The following AKIRIN2 variants were observed in gnomAD, a reference collection of about 807,000 sequenced individuals.
AKIRIN2 encodes akirin 2, also known as akirin-2.
Under a neutral mutation model 29.3 loss-of-function variants are expected in AKIRIN2, and 6 were observed. The observed-to-expected ratio is 0.20, with a 90% CI of 0.11 to 0.40. The LOEUF is 0.40. Among genes scored for constraint, AKIRIN2 ranks in the 10% least tolerant of loss-of-function variants. The probability of loss-of-function intolerance (pLI) is 1.00; values close to 1 mark genes in which losing one functional copy is unlikely to be tolerated. For synonymous variants in AKIRIN2, 128 were observed against 117.5 expected (o/e 1.09, Z -0.58); for missense variants, 210 against 276.1 (o/e 0.76, Z 1.70).
intron 1 of AKIRIN2, 26 bp downstream of exon 1, chr6:87,701,424 C>G: frequency 6.5e-7 from 1 of 1,531,114 alleles, no homozygotes; most frequent in Non-Finnish European, 8.8e-7. Flanking sequence ...CTCCACTACC[C>G]CGGCGGCCGC....
intron 1 of AKIRIN2, among the ~76,000 whole-genome samples, chr6:87,698,373 TAA>T (rs1318677681): frequency 7.3e-5 from 10 of 136,204 alleles, no homozygotes; most frequent in Non-Finnish European, 9.6e-5. Flanking sequence ...GAACAATACT[TAA>T]AAAAAAAAAA....
chr6:87,678,784 G>T (rs1403392327), intron 2 of AKIRIN2, among the ~76,000 whole-genome samples: 1 of 152,080 alleles, frequency 6.6e-6, no homozygotes, highest in Non-Finnish European at 1.5e-5. Context: ...TACACACAAT[G>T]AACTGGTAAT....
chr6:87,700,560 A>C (rs1347416505), intron 1 of AKIRIN2: 1 of 152,228 alleles, frequency 6.6e-6, no homozygotes, highest in Non-Finnish European at 1.5e-5. Context: ...CAAAGCAGCC[A>C]AAAGACATTC....
chr6:87,680,488 T>G (rs183600914), intron 2 of AKIRIN2, among the ~76,000 whole-genome samples: 3 of 148,618 alleles, frequency 2.0e-5, no homozygotes. Context: ...AGCCAGGATG[T>G]TCTCGATATC....
Position 87,696,823 on chromosome 6 carries a change from T to C in AKIRIN2, c.235+4627A>G, listed in dbSNP as rs1369079797. On this transcript the variant is annotated intron_variant, in intron 1 of 4. Coordinates refer to ENST00000257787, the MANE Select transcript of AKIRIN2 (RefSeq NM_018064.4). ...GAGTTCAAGACCAACCTGACCAACA[T>C]GGTGAAACCCCATCTCTTCTAAAAA... is the stretch of plus-strand genomic sequence containing the variant. 4.0e-5 allele frequency among the ~76,000 whole-genome samples: 6 copies of C among 150,352 alleles called. No homozygotes were observed. In the South Asian group the frequency reaches 1.0e-3, roughly 26 times the overall value.
intron 1 of AKIRIN2, among the ~76,000 whole-genome samples, chr6:87,688,591 C>CA (rs111954397): frequency 0.013 from 1,991 of 151,034 alleles, 41 homozygotes; most frequent in African/African-American, 0.042. Flanking sequence ...ACTAAAAATA[C>CA]AAAAAAAAAT....
Position 87,702,194 on chromosome 6 carries a change from G to C in AKIRIN2, c.-510C>G. 2.5e-6 allele frequency: 1 copy of C among 398,142 alleles called. No homozygotes were observed. The highest frequency in any genetic ancestry group is 4.4e-6 in the Non-Finnish European group (1 of 225,870). 24.7% of individuals were successfully genotyped at this position (398,142 alleles called of 1,614,324 possible). A position where few individuals can be genotyped will look rare whatever the true frequency, so the allele number is the denominator to read the frequency against. Reference sequence around the variant, plus strand: ...GGTAGCTGCCGCAGCAGGAACCCAAGCGAACACGTCCAACCGCTTCCCCTC... The same window carrying C: ...GGTAGCTGCCGCAGCAGGAACCCAACCGAACACGTCCAACCGCTTCCCCTC... On this transcript the variant is annotated 5_prime_UTR_variant, in exon 1 of 5. Coordinates refer to ENST00000257787, the MANE Select transcript of AKIRIN2 (RefSeq NM_018064.4).
intron 1 of AKIRIN2, among the ~76,000 whole-genome samples, chr6:87,690,329 G>A (rs1474674770): frequency 2.0e-5 from 3 of 152,130 alleles, no homozygotes; most frequent in Non-Finnish European, 4.4e-5. Flanking sequence ...TAGCAGCAAG[G>A]TTATTACAAG....
intron 2 of AKIRIN2, 71 bp from the exon 3 acceptor site, chr6:87,678,038 G>T (rs944561256): frequency 1.5e-6 from 2 of 1,367,630 alleles, no homozygotes; most frequent in South Asian, 1.5e-5. Flanking sequence ...TAAATGAAGA[G>T]GTTTTATTTG....
chr6:87,675,903 C>A lies in AKIRIN2; in HGVS notation c.558G>T (p.Thr186=), dbSNP rs369857489. 1 of 1,613,542 alleles carries A rather than the reference C, an allele frequency of 6.2e-7. No individual in the cohort carries two copies. The highest frequency in any genetic ancestry group is 8.5e-7 in the Non-Finnish European group (1 of 1,179,862). Residue 186 remains threonine (T), a synonymous_variant, in exon 4 of 5, where the codon ACG becomes ACT. Coordinates refer to ENST00000257787, the MANE Select transcript of AKIRIN2 (RefSeq NM_018064.4). ...CATATCGTCGCATTATTTGATCATG[C>A]GTAAACTTCACAAACGCATCATATT... is the stretch of plus-strand genomic sequence containing the variant. ...AEQYDAFVKF[T]HDQIMRRYGE...
rs1056150297 is a variant in AKIRIN2, at chr6:87,701,513, G to A, written c.172C>T (p.Pro58Ser). The A allele has an allele frequency of 2.1e-6, 3 of 1,455,236 alleles. No homozygotes were observed. The highest frequency in any genetic ancestry group is 1.5e-5 in the African/African-American group (1 of 66,352). The allele number at this position is 1,455,236 out of a possible 1,614,324, so 90.1% of individuals were successfully genotyped here. Residue 58 changes from proline to serine, a missense_variant, in exon 1 of 5, where the codon CCG becomes TCG. Pro to Ser is a moderately conservative substitution (Grantham distance 74, BLOSUM62 -1). Around this residue, in one of 2 missense-constraint regions of AKIRIN2, gnomAD observed 199 missense variants for 236.5 expected, o/e 0.84. Coordinates refer to ENST00000257787, the MANE Select transcript of AKIRIN2 (RefSeq NM_018064.4). ...GGCTCCATTCGGAGATACTTCTGCG[G>A]CGAGGCGGCCGCAGCGGAGAAGGAG... The part of the protein sequence containing the change: ...AASFSAAAAS[P>S]QKYLRMEPSP...
In AKIRIN2 at chr6:87,701,561, A is replaced by C. The variant is rs1224900834; in HGVS notation, c.124T>G (p.Ser42Ala). ...GAGGCGGCGGTGGCCGCGGCCGCCG[A>C]CAACGGGGAGGCAGCGGCCGAGGTG... is the stretch of plus-strand genomic sequence containing the variant. ...APTSAAASPL[S>A]AAAATAASFS... The change falls in exon 1 of 5, where the codon TCG becomes GCG. Residue 42 changes from serine to alanine, a missense_variant. By Grantham distance (99) the Ser-to-Ala change is moderately conservative. Around this residue, in one of 2 missense-constraint regions of AKIRIN2, gnomAD observed 199 missense variants for 236.5 expected, o/e 0.84. Transcript: ENST00000257787. 3.5e-6 allele frequency: 5 copies of C among 1,412,102 alleles called. No homozygotes were observed. Among genetic ancestry groups the C allele is most frequent in the Middle Eastern group, 1.9e-4 (1 of 5,250 alleles). 87.5% of individuals were successfully genotyped at this position (1,412,102 alleles called of 1,614,324 possible).
chr6:87,688,482 A>C (rs1188029068), intron 1 of AKIRIN2, among the ~76,000 whole-genome samples: 1 of 152,048 alleles, frequency 6.6e-6, no homozygotes, highest in Non-Finnish European at 1.5e-5. Context: ...ACAGTGGCTC[A>C]CGCCTGTAAT....
intron 1 of AKIRIN2, among the ~76,000 whole-genome samples, chr6:87,699,903 T>G (rs912280041): frequency 2.0e-5 from 3 of 152,218 alleles, no homozygotes; most frequent in African/African-American, 7.2e-5. Flanking sequence ...AGCTCCTTAA[T>G]GACCTTATTT....
In AKIRIN2 at chr6:87,688,180, G is replaced by A. The variant is rs530142040; in HGVS notation, c.236-6417C>T. 1.3e-4 allele frequency among the ~76,000 whole-genome samples: 20 copies of A among 152,224 alleles called. 1 individual carries two copies. In the South Asian group the frequency reaches 3.9e-3, roughly 30 times the overall value. ...AGAGTCTCGCTCTGTCGCCCAGGCT[G>A]TAGTGCAATGGTGTGATCTCAGCTC... is the stretch of plus-strand genomic sequence containing the variant. On this transcript the variant is annotated intron_variant, in intron 1 of 4. Transcript: ENST00000257787.
At chr6:87,685,744 A>G (rs1771176565) in intron 1 of AKIRIN2, among the ~76,000 whole-genome samples, 1 of 152,176 alleles carries the variant, frequency 6.6e-6, no homozygotes, top group Non-Finnish European at 1.5e-5. Context: ...CCTAAAAACT[A>G]CCTTACTCTT....
At chr6:87,678,011 T>C (rs1474214822) in intron 2 of AKIRIN2, 44 bp from the exon 3 acceptor site, 2 of 1,564,492 alleles carry the variant, frequency 1.3e-6, no homozygotes, top group Non-Finnish European at 1.7e-6. Context: ...TTTAGAGCCA[T>C]GATATAAAGC....
chr6:87,700,380 G>A (rs1771440902), intron 1 of AKIRIN2: 1 of 151,992 alleles, frequency 6.6e-6, no homozygotes, highest in African/African-American at 2.4e-5. Flanking sequence ...GCTATGGAAA[G>A]GCTTTGTCTA....
chr6:87,678,425 C>T (rs564794823), intron 2 of AKIRIN2, among the ~76,000 whole-genome samples: 1 of 151,442 alleles, frequency 6.6e-6, no homozygotes, highest in South Asian at 2.1e-4. Flanking sequence ...TCACTTGAAC[C>T]CGGGAGGCGG....
Sources: gnomAD v4.1 joint callset for allele counts (sites outside exome capture counted in the v4.1 genomes callset) on GRCh38, gnomAD v4.1.1 for gene constraint, gnomAD v4.1.1 regional missense constraint, MANE v1.5 for transcripts, NCBI Gene and HGNC (gene_info 2026-07-23, HGNC 2026-07-21) for gene names.